Variants in TRAPPC9 observed in about 807,000 individuals in gnomAD.
TRAPPC9 encodes the protein trafficking protein particle complex subunit 9, also known as IKK2 binding protein.
A neutral mutation model predicts 124.0 loss-of-function variants in TRAPPC9; 83 were observed. That is an observed-to-expected ratio of 0.67 (90% CI 0.56 to 0.80). The LOEUF (loss-of-function observed/expected upper bound fraction) is 0.80. Ranked by LOEUF, TRAPPC9 falls within the 30% of genes least tolerant of loss-of-function variation. The pLI is 0.00. For missense variants in TRAPPC9, 1,302 were observed against 1,508.3 expected (o/e 0.86, Z 2.27); for synonymous variants, 638 against 617.5 (o/e 1.03, Z -0.49).
At chr8:140,356,629 T>A (rs899591578) in intron 9 of TRAPPC9, among the ~76,000 whole-genome samples, 7 of 151,998 alleles carry the variant, frequency 4.6e-5, no homozygotes, top group Admixed American at 3.9e-4. Context: ...GCTTTTTTTT[T>A]TTTTTTGAGC....
chr8:140,332,419 A>C lies in TRAPPC9; in HGVS notation c.1496-21045T>G, dbSNP rs374473551. Among the ~76,000 whole-genome samples the C allele has an allele frequency of 2.0e-5, 3 of 152,302 alleles. No homozygotes were observed. In the South Asian group the frequency reaches 6.2e-4, roughly 32 times the overall value. On this transcript the variant is annotated intron_variant, in intron 9 of 22. Transcript: ENST00000438773. ...GTCCTATAGCACTGTAGGGTGACTA[A>C]AAGTAACAACAATTTTTTGTGTATT... is the stretch of plus-strand genomic sequence containing the variant.
At position 140,291,088 on chromosome 8, in the gene TRAPPC9, A is replaced by G; in HGVS notation, c.1769-10T>C. Reference sequence around the variant, plus strand: ...TGAACCCACTGGAAATCTAGAAAATACACACACATAAATGAATCCATGTAT... The same window carrying G: ...TGAACCCACTGGAAATCTAGAAAATGCACACACATAAATGAATCCATGTAT... On this transcript the variant is annotated splice_polypyrimidine_tract_variant and intron_variant, in intron 11 of 22. Coordinates refer to ENST00000438773, the MANE Select transcript of TRAPPC9 (RefSeq NM_001160372.4). 1 of 1,611,432 alleles carries G rather than the reference A, an allele frequency of 6.2e-7. No homozygotes were observed. Among genetic ancestry groups the G allele is most frequent in the Non-Finnish European group, 8.5e-7 (1 of 1,177,480 alleles).
intron 19 of TRAPPC9, among the ~76,000 whole-genome samples, chr8:139,979,653 AGAGGGAGAATCT>A (rs1451435563): frequency 6.6e-6 from 1 of 152,134 alleles, no homozygotes; most frequent in Non-Finnish European, 1.5e-5. Context: ...TAGTACAGCA[AGAGGGAGAATCT>A]GAGGTGGAAA....
chr8:140,287,515 G>T, intron 13 of TRAPPC9, 93 bp downstream of exon 13: 1 of 1,526,416 alleles, frequency 6.6e-7, no homozygotes, highest in South Asian at 1.1e-5. Context: ...GGTTAGGACT[G>T]GCATGACGGG....
At chr8:140,417,956 C>A (rs2070000005) in intron 5 of TRAPPC9, among the ~76,000 whole-genome samples, 1 of 152,142 alleles carries the variant, frequency 6.6e-6, no homozygotes, top group African/African-American at 2.4e-5. Context: ...CAAACTAACA[C>A]AGGAACAGAA....
intron 17 of TRAPPC9, among the ~76,000 whole-genome samples, chr8:140,036,488 A>G (rs554083045): frequency 6.6e-6 from 1 of 152,314 alleles, no homozygotes; most frequent in African/African-American, 2.4e-5. Context: ...CTTGACCGAA[A>G]AAAAATGAGA....
intron 6 of TRAPPC9, among the ~76,000 whole-genome samples, chr8:140,399,096 G>A (rs535475047): frequency 3.9e-5 from 6 of 152,354 alleles, no homozygotes; most frequent in Admixed American, 6.5e-5. Context: ...TGGGTGCACC[G>A]AAGTCAATAA....
chr8:140,287,006 G>C (rs1188214646), intron 13 of TRAPPC9, among the ~76,000 whole-genome samples: 7 of 152,130 alleles, frequency 4.6e-5, no homozygotes, highest in Admixed American at 3.9e-4. Context: ...CAGAGAGGCA[G>C]TAAAACATCC....
intron 17 of TRAPPC9, among the ~76,000 whole-genome samples, chr8:140,143,512 C>T (rs2061411970): frequency 1.3e-5 from 2 of 152,326 alleles, no homozygotes; most frequent in Non-Finnish European, 2.9e-5. Context: ...AAATTTTGCT[C>T]ATAATGTCCT....
chr8:139,808,826 C>T (rs1824239717), intron 21 of TRAPPC9, among the ~76,000 whole-genome samples: 1 of 152,236 alleles, frequency 6.6e-6, no homozygotes. Flanking sequence ...TAGTATTCCA[C>T]TGTATGGATA....
chr8:139,826,239 A>T (rs2130817273), intron 21 of TRAPPC9, among the ~76,000 whole-genome samples: 1 of 152,324 alleles, frequency 6.6e-6, no homozygotes. Flanking sequence ...CAGGGAGTCC[A>T]CTGGGCTGTG....
intron 19 of TRAPPC9, among the ~76,000 whole-genome samples, chr8:139,916,244 A>C (rs1832121579): frequency 6.6e-6 from 1 of 152,224 alleles, no homozygotes. Flanking sequence ...TTAGTTTTTT[A>C]AATCTGATTG....
At chr8:139,762,810 C>T (rs1820329105) in intron 21 of TRAPPC9, among the ~76,000 whole-genome samples, 5 of 152,192 alleles carry the variant, frequency 3.3e-5, no homozygotes, top group Admixed American at 2.6e-4. Context: ...GTCTCAGCTG[C>T]GGGACCTTCA....
At chr8:140,404,402 G>A (rs1014732590) in intron 6 of TRAPPC9, among the ~76,000 whole-genome samples, 3 of 152,078 alleles carry the variant, frequency 2.0e-5, no homozygotes, top group Non-Finnish European at 4.4e-5. Context: ...TTAAGAGCAG[G>A]CATTTCATCT....
At chr8:139,820,769 C>G (rs1477068290) in intron 21 of TRAPPC9, among the ~76,000 whole-genome samples, 1 of 152,128 alleles carries the variant, frequency 6.6e-6, no homozygotes, top group African/African-American at 2.4e-5. Context: ...AAATATATTA[C>G]AAAGGTGGCA....
intron 2 of TRAPPC9, among the ~76,000 whole-genome samples, chr8:140,447,390 T>C (rs866653774): frequency 2.0e-5 from 3 of 152,086 alleles, no homozygotes; most frequent in Non-Finnish European, 2.9e-5. Flanking sequence ...AGGCAGCACA[T>C]AGGGAAATCT....
At chr8:140,426,702 C>G in intron 4 of TRAPPC9, 61 bp from the exon 5 acceptor site, 1 of 1,489,012 alleles carries the variant, frequency 6.7e-7, no homozygotes. Context: ...TTAAAAATAA[C>G]TACTAAAACA....
chr8:140,268,958 G>C (rs577846293), intron 15 of TRAPPC9, among the ~76,000 whole-genome samples: 37 of 152,228 alleles, frequency 2.4e-4, no homozygotes, highest in African/African-American at 8.9e-4. Context: ...AGGCCGACCA[G>C]GTAAATGGAA....
In TRAPPC9 at chr8:140,037,910, A is replaced by ACACACACACC. The variant is rs991517273; in HGVS notation, c.2557-13832_2557-13831insGGTGTGTGTG. ...CACACACACACACACACACACACAC[A>ACACACACACC]CCCCAGAGCTTCCCTCGTGCTGCAT... On this transcript the variant is annotated intron_variant, in intron 17 of 22. Transcript: ENST00000438773. Among the ~76,000 whole-genome samples the ACACACACACC allele has an allele frequency of 1.7e-4, 22 of 129,234 alleles. 2 individuals are homozygous for ACACACACACC. Among genetic ancestry groups the ACACACACACC allele is most frequent in the African/African-American group, 5.8e-4 (22 of 37,880 alleles). 84.8% of individuals were successfully genotyped at this position (129,234 alleles called of 152,430 possible).
Sources: allele counts gnomAD v4.1 joint callset (sites outside exome capture counted in the v4.1 genomes callset), GRCh38; gene constraint gnomAD v4.1.1; transcripts MANE v1.5; gene names NCBI Gene and HGNC (gene_info 2026-07-23, HGNC 2026-07-21).